The following FAM184A variants were observed in gnomAD, a reference collection of about 807,000 sequenced individuals.
FAM184A encodes protein FAM184A.
A neutral mutation model predicts 143.8 loss-of-function variants in FAM184A; 99 were observed. The ratio of observed to expected loss-of-function variants is 0.69; its 90% CI spans 0.58 to 0.81. FAM184A has a LOEUF of 0.81. Among genes scored for constraint, FAM184A ranks in the 40% least tolerant of loss-of-function variants. The pLI is 0.00. For synonymous variants in FAM184A, 427 were observed against 446.4 expected (o/e 0.96, Z 0.55); for missense variants, 1,217 against 1,310.5 (o/e 0.93, Z 1.10).
At chr6:118,963,186 C>A (rs1438131755) in intron 16 of FAM184A, 3 of 151,980 alleles carry the variant, frequency 2.0e-5, no homozygotes, top group Non-Finnish European at 4.4e-5. Context: ...TTCTAGTCAC[C>A]AGAGGGCATA....
chr6:119,038,152 T>C (rs1786181530), intron 1 of FAM184A, among the ~76,000 whole-genome samples: 1 of 152,060 alleles, frequency 6.6e-6, no homozygotes. Context: ...AACCCCCAGC[T>C]GTCACCTGAA....
intron 14 of FAM184A, among the ~76,000 whole-genome samples, chr6:118,973,548 G>A (rs1583769753): frequency 6.6e-6 from 1 of 152,170 alleles, no homozygotes; most frequent in South Asian, 2.1e-4. Context: ...AATGGGATTA[G>A]TCACTAATTG....
In FAM184A at chr6:119,023,987, G is replaced by A. The variant is rs752272162; in HGVS notation, c.986C>T (p.Ala329Val). 1 of 1,602,112 alleles carries A rather than the reference G, an allele frequency of 6.2e-7. No individual in the cohort carries two copies. The highest frequency in any genetic ancestry group is 8.5e-7 in the Non-Finnish European group (1 of 1,176,432). The change falls in exon 2 of 18, where the codon GCA (alanine) becomes GTA (valine). Residue 329 changes from alanine to valine, a missense_variant. By Grantham distance (64) the Ala-to-Val change is moderately conservative (BLOSUM62 0). Coordinates refer to ENST00000338891, the MANE Select transcript of FAM184A (RefSeq NM_024581.6). ...LLDKCQKLQT[A>V]LAIAENNVQV... ...AACATTGTTCTCTGCTATGGCAAGT[G>A]CCGTCTGAAGCTTTTGGCATTTGTC...
At chr6:119,013,526 C>T (rs1431334130) in intron 5 of FAM184A, among the ~76,000 whole-genome samples, 1 of 152,126 alleles carries the variant, frequency 6.6e-6, no homozygotes, top group African/African-American at 2.4e-5. Context: ...AAACTCTGAA[C>T]ACGTGATACA....
At chr6:118,975,567 A>T (rs1783821545) in intron 12 of FAM184A, among the ~76,000 whole-genome samples, 1 of 152,222 alleles carries the variant, frequency 6.6e-6, no homozygotes, top group South Asian at 2.1e-4. Context: ...GATTTTGAAG[A>T]ATAATTGTGG....
intron 1 of FAM184A, among the ~76,000 whole-genome samples, chr6:119,090,089 T>C (rs1181293242): frequency 1.3e-5 from 2 of 152,196 alleles, no homozygotes; most frequent in African/African-American, 4.8e-5. Flanking sequence ...GGTTTATCCA[T>C]CTACTTGGCT....
chr6:118,961,516 G>T (rs961604491), intron 17 of FAM184A, among the ~76,000 whole-genome samples: 1 of 151,856 alleles, frequency 6.6e-6, no homozygotes, highest in African/African-American at 2.4e-5. Flanking sequence ...AAATTCTAAT[G>T]ATATAAATTA....
At chr6:119,073,834 G>A (rs1039039344) in intron 1 of FAM184A, among the ~76,000 whole-genome samples, 5 of 152,218 alleles carry the variant, frequency 3.3e-5, no homozygotes, top group African/African-American at 1.2e-4. Context: ...GCTGAACTGG[G>A]ACCACTAGCA....
Position 119,078,334 on chromosome 6 carries a change from C to G in FAM184A, c.-35G>C. On this transcript the variant is annotated 5_prime_UTR_variant, in exon 1 of 18. Coordinates refer to ENST00000338891, the MANE Select transcript of FAM184A (RefSeq NM_024581.6). The surrounding 1 kb of genome is among the most constrained non-coding windows in gnomAD (Gnocchi z 5.5). Reference sequence around the variant, plus strand: ...AGACCCCAGCCGGGGCACCTGTCCCCGCGGGTGGAGGCAGGCCCGTGGAGC... The same window carrying G: ...AGACCCCAGCCGGGGCACCTGTCCCGGCGGGTGGAGGCAGGCCCGTGGAGC... 1 of 1,422,726 alleles carries G rather than the reference C, an allele frequency of 7.0e-7. No individual in the cohort carries two copies. The highest frequency in any genetic ancestry group is 9.1e-7 in the Non-Finnish European group (1 of 1,093,662). 88.1% of individuals were successfully genotyped at this position (1,422,726 alleles called of 1,614,324 possible).
intron 1 of FAM184A, among the ~76,000 whole-genome samples, chr6:119,102,604 A>G (rs752856992): frequency 6.6e-6 from 1 of 151,856 alleles, no homozygotes; most frequent in African/African-American, 2.4e-5. Context: ...CCTGGCCAAT[A>G]TGGTGAAGCC....
intron 3 of FAM184A, among the ~76,000 whole-genome samples, chr6:119,021,582 A>G (rs1419041174): frequency 6.6e-6 from 1 of 152,194 alleles, no homozygotes; most frequent in Non-Finnish European, 1.5e-5. Context: ...GGGAAGGCTA[A>G]GGCAAGAGGA....
At chr6:118,995,208 G>C (rs1020025785) in intron 9 of FAM184A, among the ~76,000 whole-genome samples, 10 of 152,208 alleles carry the variant, frequency 6.6e-5, no homozygotes, top group African/African-American at 2.2e-4. Flanking sequence ...CTTGAGCCCA[G>C]GAGTTCGAGA....
intron 1 of FAM184A, among the ~76,000 whole-genome samples, chr6:119,126,913 C>T (rs1017739178): frequency 5.3e-5 from 8 of 152,248 alleles, no homozygotes; most frequent in South Asian, 2.1e-4. Flanking sequence ...TGTCTCTGGC[C>T]GGACTCTGAA....
At chr6:119,036,113 A>T (rs1786103262) in intron 1 of FAM184A, among the ~76,000 whole-genome samples, 2 of 152,330 alleles carry the variant, frequency 1.3e-5, no homozygotes, top group South Asian at 4.1e-4. Flanking sequence ...GATGCACTGA[A>T]GATCTGGAGT....
chr6:119,070,716 C>T (rs1787653004), intron 1 of FAM184A, among the ~76,000 whole-genome samples: 1 of 152,052 alleles, frequency 6.6e-6, no homozygotes, highest in Admixed American at 6.5e-5. Flanking sequence ...CCATAGGTGT[C>T]TATCTCCAAA....
intron 5 of FAM184A, among the ~76,000 whole-genome samples, chr6:119,013,550 G>C (rs1200192240): frequency 6.6e-6 from 1 of 152,176 alleles, no homozygotes; most frequent in East Asian, 1.9e-4. Flanking sequence ...ACCCAGAACT[G>C]CTAAGCATGC....
intron 1 of FAM184A, among the ~76,000 whole-genome samples, chr6:119,059,442 A>AT (rs1160685827): frequency 1.3e-5 from 2 of 152,082 alleles, no homozygotes; most frequent in South Asian, 2.1e-4. Flanking sequence ...TTTCCAATTA[A>AT]TTTTTTTGCC....
chr6:118,983,554 T>A (rs1784081553), intron 9 of FAM184A, among the ~76,000 whole-genome samples: 1 of 152,120 alleles, frequency 6.6e-6, no homozygotes, highest in Non-Finnish European at 1.5e-5. Flanking sequence ...ATACATTCGT[T>A]AAAATTTAAA....
intron 1 of FAM184A, among the ~76,000 whole-genome samples, chr6:119,132,986 G>A (rs1789575269): frequency 6.6e-6 from 1 of 152,214 alleles, no homozygotes. Flanking sequence ...AATCAGATAG[G>A]ATTTGTTCAT....
Sources: gnomAD v4.1 joint callset for allele counts (sites outside exome capture counted in the v4.1 genomes callset) on GRCh38, gnomAD v4.1.1 for gene constraint, Gnocchi (gnomAD v3.1) non-coding constraint, MANE v1.5 for transcripts, NCBI Gene and HGNC (gene_info 2026-07-23, HGNC 2026-07-21) for gene names.